The following HDAC8 variants were observed in gnomAD, a reference collection of about 807,000 sequenced individuals.
HDAC8 encodes histone deacetylase 8, also known as histone deacetylase-like 1.
Under a neutral mutation model 32.2 loss-of-function variants are expected in HDAC8, and 1 was observed. The observed-to-expected ratio is 0.03, with a 90% confidence interval of 0.01 to 0.15. The LOEUF is 0.15. Ranked by LOEUF, HDAC8 falls within the 10% of genes least tolerant of loss-of-function variation. The probability of loss-of-function intolerance (pLI) is 1.00; values close to 1 mark genes in which losing one functional copy is unlikely to be tolerated. For synonymous variants in HDAC8, 108 were observed against 113.9 expected, an observed-to-expected ratio of 0.95 and a Z score of 0.33; for missense variants, 117 against 300.0, an observed-to-expected ratio of 0.39 and a Z score of 4.51.
chrX:72,428,840 T>C (rs2046725887), intron 9 of HDAC8, among the ~76,000 whole-genome samples: 1 of 111,681 alleles, frequency 9.0e-6, no homozygotes, highest in Admixed American at 9.4e-5. Flanking sequence ...ACTTGGTAGC[T>C]GTGGGACCTT....
intron 2 of HDAC8, among the ~76,000 whole-genome samples, chrX:72,569,784 G>A (rs191036421): frequency 1.1e-3 from 124 of 112,160 alleles, no homozygotes; most frequent in African/African-American, 3.8e-3. Context: ...CTGTTCTCTA[G>A]CCCTTGCCAC....
intron 4 of HDAC8, among the ~76,000 whole-genome samples, chrX:72,550,280 C>T (rs1556066577): frequency 9.1e-6 from 1 of 110,454 alleles, no homozygotes; most frequent in Non-Finnish European, 1.9e-5. Flanking sequence ...TTATCTCTGG[C>T]CATTTATCTA....
At chrX:72,483,811 G>A (rs2048584162) in intron 7 of HDAC8, among the ~76,000 whole-genome samples, 1 of 111,459 alleles carries the variant, frequency 9.0e-6, no homozygotes, top group Admixed American at 9.5e-5. Context: ...ATAATATAAA[G>A]ATACTATAAT....
At chrX:72,422,632 G>A (rs1321949430) in intron 9 of HDAC8, among the ~76,000 whole-genome samples, 1 of 111,845 alleles carries the variant, frequency 8.9e-6, no homozygotes, top group East Asian at 2.8e-4. Flanking sequence ...ATTTCCCAAA[G>A]AAGCTCTCCC....
intron 9 of HDAC8, among the ~76,000 whole-genome samples, chrX:72,417,457 A>G (rs781876133): frequency 2.1e-4 from 24 of 111,669 alleles, no homozygotes; most frequent in Non-Finnish European, 4.0e-4. Flanking sequence ...CAAAAACGCA[A>G]TCCTATTCAC....
chrX:72,387,015 C>A (rs1179325657), intron 9 of HDAC8, among the ~76,000 whole-genome samples: 1 of 112,012 alleles, frequency 8.9e-6, no homozygotes, highest in Non-Finnish European at 1.9e-5. Context: ...ACAGCAGGGA[C>A]CTCTCTTTCT....
rs782470416 is a variant in HDAC8 at position 72,472,312 on chromosome X, C to T, written c.738-7581G>A. Among the ~76,000 whole-genome samples the T allele has an allele frequency of 2.1e-4, 23 of 110,967 alleles. No homozygotes were observed. In the South Asian group the frequency reaches 8.8e-3, roughly 42 times the overall value. On this transcript the variant is annotated intron_variant, in intron 7 of 10. Coordinates refer to ENST00000373573, the MANE Select transcript of HDAC8 (RefSeq NM_018486.3). ...TCGATCTCCTGACCTCGTGATCCGC[C>T]CGCCTCGGCCTCCCAAAGTGCTGGG...
intron 9 of HDAC8, among the ~76,000 whole-genome samples, chrX:72,429,503 A>C (rs992357632): frequency 1.6e-4 from 18 of 112,233 alleles, no homozygotes; most frequent in African/African-American, 5.5e-4. Context: ...CAGCGATGCT[A>C]TCTCCATACC....
At chrX:72,367,404 C>T (rs1306242951) in intron 9 of HDAC8, among the ~76,000 whole-genome samples, 2 of 112,009 alleles carry the variant, frequency 1.8e-5, no homozygotes, top group Non-Finnish European at 3.8e-5. Context: ...AAGGCTCTGT[C>T]GCCACGTTGG....
At chrX:72,371,123 T>C (rs1225195070) in intron 9 of HDAC8, among the ~76,000 whole-genome samples, 1 of 111,925 alleles carries the variant, frequency 8.9e-6, no homozygotes, top group African/African-American at 3.2e-5. Context: ...TAGAGATACA[T>C]ACTAAAATAT....
chrX:72,509,105 AT>A (rs782661463), intron 4 of HDAC8, among the ~76,000 whole-genome samples: 208 of 101,356 alleles, frequency 2.1e-3, no homozygotes, highest in Admixed American at 2.2e-3. Flanking sequence ...CCTCTTATCA[AT>A]TTTTTTTTTT....
At chrX:72,451,370 T>C (rs2047566817) in intron 9 of HDAC8, among the ~76,000 whole-genome samples, 1 of 111,647 alleles carries the variant, frequency 9.0e-6, no homozygotes, top group African/African-American at 3.3e-5. Flanking sequence ...CTTCTTTTTG[T>C]ACTTTTAGTA....
intron 9 of HDAC8, among the ~76,000 whole-genome samples, chrX:72,366,245 A>G (rs1372100425): frequency 2.7e-5 from 3 of 111,947 alleles, no homozygotes; most frequent in African/African-American, 9.7e-5. Context: ...CACTGACTGC[A>G]GGACTGAGTC....
chrX:72,549,556 G>A (rs868975506), intron 4 of HDAC8, among the ~76,000 whole-genome samples: 1 of 111,379 alleles, frequency 9.0e-6, no homozygotes, highest in African/African-American at 3.3e-5. Context: ...ATTTAAACAA[G>A]AATCCCAGAG....
intron 9 of HDAC8, among the ~76,000 whole-genome samples, chrX:72,416,408 GTTTTTTTTTTTTTTTTTTTTTTTT>G (rs549411405): frequency 2.7e-4 from 1 of 3,686 alleles, no homozygotes; most frequent in Non-Finnish European, 8.5e-4. Context: ...TGTCTTCTCT[GTTTTTTTTTTTTTTTTTTTTTTTT>G]TTTTTTTTTT....
intron 4 of HDAC8, among the ~76,000 whole-genome samples, chrX:72,555,330 A>T (rs1432638710): frequency 8.9e-6 from 1 of 111,828 alleles, no homozygotes; most frequent in Non-Finnish European, 1.9e-5. Context: ...TGGTAATATG[A>T]CAAAACGAGG....
intron 4 of HDAC8, among the ~76,000 whole-genome samples, chrX:72,524,504 G>C (rs1556030636): frequency 8.9e-6 from 1 of 111,883 alleles, no homozygotes; most frequent in East Asian, 2.8e-4. Context: ...ATGAAGGCCT[G>C]GCCTGAGATT....
intron 4 of HDAC8, among the ~76,000 whole-genome samples, chrX:72,555,880 A>G (rs1556091681): frequency 8.9e-6 from 1 of 112,524 alleles, no homozygotes; most frequent in Non-Finnish European, 1.9e-5. Context: ...AGAGCTCGAC[A>G]TCCAAATACA....
At chrX:72,452,599 A>G (rs2047600123) in intron 9 of HDAC8, among the ~76,000 whole-genome samples, 1 of 112,238 alleles carries the variant, frequency 8.9e-6, no homozygotes. Flanking sequence ...AAAGCAGGCT[A>G]AATTAGCCCT....
Sources: allele counts gnomAD v4.1 joint callset (sites outside exome capture counted in the v4.1 genomes callset), GRCh38; gene constraint gnomAD v4.1.1; transcripts MANE v1.5; gene names NCBI Gene and HGNC (gene_info 2026-07-23, HGNC 2026-07-21).